Variants in SETDB2 observed in about 807,000 individuals in gnomAD.
SETDB2 encodes the protein histone-lysine N-methyltransferase SETDB2.
SETDB2 carries 56 observed loss-of-function variants against 82.5 expected under a neutral mutation model. That is an observed-to-expected ratio of 0.68 (90% CI 0.55 to 0.85). SETDB2 has a LOEUF of 0.85. Among genes scored for constraint, SETDB2 ranks in the 40% least tolerant of loss-of-function variants. The pLI is 0.00. For synonymous variants in SETDB2, 272 were observed against 284.9 expected (o/e 0.95, Z 0.46); for missense variants, 677 against 816.4 (o/e 0.83, Z 2.08).
In SETDB2 at chr13:49,475,693, G is replaced by A. The variant is rs180909303; in HGVS notation, c.306-783G>A. Among the ~76,000 whole-genome samples the A allele has an allele frequency of 2.0e-5, 3 of 151,924 alleles. No homozygotes were observed. The East Asian group carries it at 5.8e-4, about 29-fold the overall frequency. On this transcript the variant is annotated intron_variant, in intron 5 of 13. Coordinates refer to ENST00000611815, the MANE Select transcript of SETDB2 (RefSeq NM_001160308.3). ...TGTAGGGATGAGGTTTCACTGTGTT[G>A]CCCAGGCTGATCTTGAGCTCCTGAG...
intron 10 of SETDB2, among the ~76,000 whole-genome samples, chr13:49,484,789 T>G (rs947532693): frequency 6.6e-6 from 1 of 152,160 alleles, no homozygotes; most frequent in African/African-American, 2.4e-5. Context: ...AAAACTCTGC[T>G]TTAGGTGTTA....
chr13:49,464,254 A>G (rs1298481814), intron 4 of SETDB2, among the ~76,000 whole-genome samples: 2 of 152,156 alleles, frequency 1.3e-5, no homozygotes, highest in Non-Finnish European at 2.9e-5. Flanking sequence ...GGTTGATGAA[A>G]CTTCTGGGAG....
intron 5 of SETDB2, among the ~76,000 whole-genome samples, chr13:49,475,954 A>C (rs1262637769): frequency 1.3e-5 from 2 of 152,174 alleles, no homozygotes; most frequent in Non-Finnish European, 2.9e-5. Context: ...TGAATTAATA[A>C]GTTTTCAGCC....
chr13:49,462,991 A>G (rs1055258296), intron 4 of SETDB2, among the ~76,000 whole-genome samples: 3 of 152,106 alleles, frequency 2.0e-5, no homozygotes, highest in Admixed American at 2.0e-4. Flanking sequence ...GAAGAGACAT[A>G]AACAAATGTG....
intron 4 of SETDB2, among the ~76,000 whole-genome samples, chr13:49,467,301 A>G (rs1337499571): frequency 2.0e-5 from 3 of 152,226 alleles, no homozygotes; most frequent in South Asian, 4.2e-4. Flanking sequence ...AGGCTGCGGC[A>G]GGAGAATCGT....
rs543633008 is a variant in SETDB2 at position 49,482,792 on chromosome 13, G to A, written c.1212G>A (p.Gly404=). The part of the protein sequence containing the change: ...TEKSYGIDEN[G]RDENTMKNIF... ...AATCTTATGGTATTGATGAAAACGG[G>A]AGAGATGAGAATACTATGAAAAATA... Residue 404 remains glycine, a synonymous_variant, in exon 9 of 14, where the codon GGG becomes GGA. Transcript: ENST00000611815. 7.4e-6 allele frequency: 12 copies of A among 1,612,622 alleles called. No homozygotes were observed. Among genetic ancestry groups the A allele is most frequent in the East Asian group, 4.5e-5 (2 of 44,760 alleles).
At chr13:49,491,695 G>A (rs1958716694) in intron 13 of SETDB2, 37 bp from the exon 14 acceptor site, 1 of 1,419,172 alleles carries the variant, frequency 7.0e-7, no homozygotes, top group Non-Finnish European at 9.9e-7. Flanking sequence ...AGTTATTTAG[G>A]GTATTTTATG....
chr13:49,480,570 T>C (rs538769236), intron 7 of SETDB2, among the ~76,000 whole-genome samples: 16 of 152,240 alleles, frequency 1.1e-4, no homozygotes, highest in Non-Finnish European at 1.2e-4. Flanking sequence ...GTCTGGCTCT[T>C]ACCCCTCTAG....
At chr13:49,490,777 G>A (rs774264064) in intron 12 of SETDB2, 45 bp from the exon 13 acceptor site, 1 of 1,427,846 alleles carries the variant, frequency 7.0e-7, no homozygotes, top group Admixed American at 1.8e-5. Context: ...CAAGGCATCA[G>A]ACTTTATGCT....
chr13:49,453,880 AT>A (rs889937075), intron 2 of SETDB2, among the ~76,000 whole-genome samples: 25 of 151,952 alleles, frequency 1.6e-4, no homozygotes, highest in African/African-American at 6.0e-4. Flanking sequence ...GTATATATAT[AT>A]ATACTAACTT....
intron 10 of SETDB2, among the ~76,000 whole-genome samples, chr13:49,484,499 A>C (rs1356351375): frequency 6.6e-6 from 1 of 152,024 alleles, no homozygotes; most frequent in Admixed American, 6.6e-5. Flanking sequence ...CAAACTCCTG[A>C]CCTCAGGTGA....
intron 2 of SETDB2, among the ~76,000 whole-genome samples, chr13:49,456,856 G>T (rs1957891348): frequency 6.6e-6 from 1 of 151,992 alleles, no homozygotes; most frequent in African/African-American, 2.4e-5. Context: ...TGTGGTTAAG[G>T]GCTTCCATAG....
At position 49,492,842 on chromosome 13, in the gene SETDB2, T is replaced by C. The variant is rs1980794; in HGVS notation, c.*993T>C. ...GGCATGATGGCATGTGCCCGTAGTC[T>C]CAGCTACTCAGGAGTGAGGTGGGAG... is the stretch of plus-strand genomic sequence containing the variant. On this transcript the variant is annotated 3_prime_UTR_variant, in exon 14 of 14. Transcript: ENST00000611815. The C allele has an allele frequency of 0.72, 108,950 of 151,978 alleles. 39,185 individuals carry two copies. Among genetic ancestry groups the C allele is most frequent in the East Asian group, 0.82 (4,213 of 5,168 alleles). 9.4% of individuals were successfully genotyped at this position (151,978 alleles called of 1,614,324 possible). A position where few individuals can be genotyped will look rare whatever the true frequency, so the allele number is the denominator to read the frequency against.
intron 1 of SETDB2, chr13:49,446,432 C>T (rs1366250427): frequency 2.2e-6 from 1 of 456,248 alleles, no homozygotes; most frequent in African/African-American, 2.0e-5. Flanking sequence ...TCCCTACTCC[C>T]GCTGGAGACT....
chr13:49,488,679 A>G (rs545377042), intron 12 of SETDB2, 49 bp downstream of exon 12: 4 of 1,430,034 alleles, frequency 2.8e-6, no homozygotes, highest in Admixed American at 2.3e-5. Flanking sequence ...GTTTTTTTCT[A>G]TGCTACTTAA....
chr13:49,454,900 C>G (rs9568210), intron 2 of SETDB2, among the ~76,000 whole-genome samples: 2 of 151,846 alleles, frequency 1.3e-5, no homozygotes, highest in South Asian at 4.1e-4. Flanking sequence ...ACTTTATACT[C>G]TTTAGAGTAT....
At chr13:49,460,006 AT>A in intron 2 of SETDB2, 100 bp from the exon 3 acceptor site, 1 of 1,238,132 alleles carries the variant, frequency 8.1e-7, no homozygotes, top group South Asian at 1.6e-5. Flanking sequence ...ATGAGTCTTG[AT>A]CTTGTTTAGA....
At chr13:49,473,686 T>C (rs1009553580) in intron 5 of SETDB2, among the ~76,000 whole-genome samples, 56 of 152,118 alleles carry the variant, frequency 3.7e-4, no homozygotes, top group African/African-American at 1.3e-3. Context: ...CAGTTTACTA[T>C]CTCTATAAAT....
At position 49,471,190 on chromosome 13, in the gene SETDB2, A is replaced by G. The variant is rs1958233839; in HGVS notation, c.305+3230A>G. Among the ~76,000 whole-genome samples the G allele has an allele frequency of 2.0e-5, 3 of 151,048 alleles. No individual in the cohort carries two copies. The South Asian group carries it at 6.3e-4, about 32-fold the overall frequency. On this transcript the variant is annotated intron_variant, in intron 5 of 13. Coordinates refer to ENST00000611815, the MANE Select transcript of SETDB2 (RefSeq NM_001160308.3). ...TGTGGTCTCACTATGTTGCCCAGGC[A>G]GGTCGTGAACTCCTAGTCTCAAGCA...
Sources: allele counts gnomAD v4.1 joint callset (sites outside exome capture counted in the v4.1 genomes callset), GRCh38; gene constraint gnomAD v4.1.1; transcripts MANE v1.5; gene names NCBI Gene and HGNC (gene_info 2026-07-23, HGNC 2026-07-21).